COLQ: variants seen among roughly 807,000 people sequenced by gnomAD.
COLQ encodes the protein acetylcholinesterase collagenic tail peptide.
Under a neutral mutation model 69.0 loss-of-function variants are expected in COLQ, and 48 were observed. The ratio of observed to expected loss-of-function variants is 0.70; its 90% CI spans 0.55 to 0.88. The LOEUF (loss-of-function observed/expected upper bound fraction) is 0.88. Ranked by LOEUF, COLQ falls within the 40% of genes least tolerant of loss-of-function variation. The probability of loss-of-function intolerance (pLI) is 0.00; values close to 1 mark genes in which losing one functional copy is unlikely to be tolerated. For synonymous variants in COLQ, 217 were observed against 211.2 expected (o/e 1.03, Z -0.24); for missense variants, 618 against 594.6 (o/e 1.04, Z -0.41).
At chr3:15,500,376 A>G (rs2062814398) in intron 1 of COLQ, among the ~76,000 whole-genome samples, 2 of 152,106 alleles carry the variant, frequency 1.3e-5, no homozygotes, top group South Asian at 4.1e-4. Flanking sequence ...GCAGCTCTTC[A>G]TTTTTCAAAT....
At chr3:15,502,794 T>C (rs1404356152) in intron 1 of COLQ, among the ~76,000 whole-genome samples, 1 of 152,180 alleles carries the variant, frequency 6.6e-6, no homozygotes, top group Non-Finnish European at 1.5e-5. Context: ...GACTTGTTAG[T>C]ATCATCCTCC....
intron 6 of COLQ, 89 bp from the exon 7 acceptor site, chr3:15,475,576 G>C (rs1172933051): frequency 1.3e-5 from 16 of 1,242,160 alleles, no homozygotes; most frequent in Non-Finnish European, 1.8e-5. Flanking sequence ...GGAAGGAACT[G>C]GGGATATCAG....
intron 1 of COLQ, 99 bp downstream of exon 1, chr3:15,521,421 T>A: frequency 6.6e-7 from 1 of 1,509,932 alleles, no homozygotes; most frequent in Non-Finnish European, 9.0e-7. Context: ...CCACCAACAG[T>A]TGAATGGCAA....
intron 1 of COLQ, among the ~76,000 whole-genome samples, chr3:15,520,824 CG>C (rs2063126229): frequency 6.6e-6 from 1 of 152,214 alleles, no homozygotes; most frequent in Non-Finnish European, 1.5e-5. Flanking sequence ...GCCTCATACC[CG>C]GCAGACACAC....
chr3:15,485,617 G>T (rs2062560716), intron 3 of COLQ, among the ~76,000 whole-genome samples: 3 of 152,152 alleles, frequency 2.0e-5, no homozygotes, highest in Non-Finnish European at 4.4e-5. Context: ...ATTCTCTGGA[G>T]ATGTTTGAAA....
chr3:15,474,883 C>T, intron 8 of COLQ, 42 bp downstream of exon 8: 1 of 1,612,212 alleles, frequency 6.2e-7, no homozygotes, highest in Non-Finnish European at 8.5e-7. Flanking sequence ...GAGCCAGTAG[C>T]CCAGACCAGG....
intron 3 of COLQ, among the ~76,000 whole-genome samples, chr3:15,480,808 A>C (rs2062470291): frequency 1.3e-5 from 2 of 152,250 alleles, no homozygotes; most frequent in African/African-American, 4.8e-5. Context: ...ACAGTGTAAA[A>C]GTGTTCCTAT....
At chr3:15,471,717 C>G (rs1343760298) in intron 10 of COLQ, among the ~76,000 whole-genome samples, 2 of 152,230 alleles carry the variant, frequency 1.3e-5, no homozygotes, top group African/African-American at 4.8e-5. Flanking sequence ...ACATAAAGCT[C>G]TGAAATTATC....
intron 1 of COLQ, among the ~76,000 whole-genome samples, chr3:15,514,226 G>C (rs1413382683): frequency 4.5e-4 from 69 of 152,178 alleles, no homozygotes; most frequent in Non-Finnish European, 1.5e-5. Context: ...CTAAGTTTAT[G>C]ATGATTTATT....
chr3:15,475,105 C>T, intron 7 of COLQ, 154 bp from the exon 8 acceptor site: 1 of 837,602 alleles, frequency 1.2e-6, no homozygotes, highest in Non-Finnish European at 2.0e-6. Flanking sequence ...ACAAAGATGT[C>T]CCAGAGGGTT....
chr3:15,476,402 C>T (rs73146151), intron 6 of COLQ, among the ~76,000 whole-genome samples: 3,528 of 152,312 alleles, frequency 0.023, 133 homozygotes, highest in African/African-American at 0.08. Flanking sequence ...TCACATGTGG[C>T]TACTGGCTGC....
chr3:15,485,507 T>C (rs1214874916), intron 3 of COLQ, among the ~76,000 whole-genome samples: 2 of 152,232 alleles, frequency 1.3e-5, no homozygotes, highest in Non-Finnish European at 2.9e-5. Flanking sequence ...TATTCGGCTG[T>C]CTTGGAACCT....
intron 1 of COLQ, among the ~76,000 whole-genome samples, chr3:15,510,570 T>G (rs1018813998): frequency 3.3e-5 from 5 of 151,530 alleles, no homozygotes; most frequent in Non-Finnish European, 7.4e-5. Flanking sequence ...TGGCTGGTTA[T>G]GGTGGCATGT....
chr3:15,458,343 G>T lies in COLQ; in HGVS notation c.815-18C>A, dbSNP rs969251829. 1.2e-6 allele frequency: 2 copies of T among 1,613,860 alleles called. No homozygotes were observed. Among genetic ancestry groups the T allele is most frequent in the Admixed American group, 1.7e-5 (1 of 59,998 alleles). ...AAGTTGTCCTAGGAAGCAACAGACT[G>T]CTGTGTTACTAGAGCCAAGGAAGAG... is the stretch of plus-strand genomic sequence containing the variant. On this transcript the variant is annotated intron_variant, in intron 12 of 16. Transcript: ENST00000383788.
intron 3 of COLQ, among the ~76,000 whole-genome samples, chr3:15,485,854 TG>T (rs1486943949): frequency 6.6e-6 from 1 of 152,114 alleles, no homozygotes; most frequent in Non-Finnish European, 1.5e-5. Context: ...CACCCTCCTG[TG>T]GGAGGCTGAT....
At chr3:15,495,812 G>A (rs1386341774) in intron 1 of COLQ, among the ~76,000 whole-genome samples, 2 of 152,274 alleles carry the variant, frequency 1.3e-5, no homozygotes, top group East Asian at 3.9e-4. Flanking sequence ...GTGTTGAGTC[G>A]CTAGGAGTGG....
chr3:15,461,807 C>T (rs770281373), intron 12 of COLQ, among the ~76,000 whole-genome samples: 43 of 152,066 alleles, frequency 2.8e-4, no homozygotes, highest in East Asian at 1.2e-3. Context: ...CTCACGATGG[C>T]GCTGGGACAG....
chr3:15,485,462 C>G (rs914475113), intron 3 of COLQ, among the ~76,000 whole-genome samples: 1 of 152,210 alleles, frequency 6.6e-6, no homozygotes, highest in Non-Finnish European at 1.5e-5. Context: ...TCTTCTGCAT[C>G]GCTCACACTG....
intron 12 of COLQ, among the ~76,000 whole-genome samples, chr3:15,465,325 T>G (rs1169122234): frequency 7.3e-5 from 11 of 150,152 alleles, no homozygotes; most frequent in Non-Finnish European, 1.2e-4. Context: ...GGAGTGCAGT[T>G]GCGCGATCTC....
Sources: allele counts gnomAD v4.1 joint callset (sites outside exome capture counted in the v4.1 genomes callset), GRCh38; gene constraint gnomAD v4.1.1; transcripts MANE v1.5; gene names NCBI Gene and HGNC (gene_info 2026-07-23, HGNC 2026-07-21).